Variants in TMCC1 observed in about 807,000 individuals in gnomAD.
TMCC1 encodes transmembrane and coiled-coil domain family 1.
Under a neutral mutation model 52.4 loss-of-function variants are expected in TMCC1, and 15 were observed. The ratio of observed to expected loss-of-function variants is 0.29; its 90% CI spans 0.19 to 0.44. TMCC1 has a LOEUF of 0.44. Among genes scored for constraint, TMCC1 ranks in the 20% least tolerant of loss-of-function variants. The probability of loss-of-function intolerance (pLI) is 1.00; values close to 1 mark genes in which losing one functional copy is unlikely to be tolerated. For synonymous variants in TMCC1, 279 were observed against 301.9 expected (o/e 0.92, Z 0.79); for missense variants, 503 against 806.0 (o/e 0.62, Z 4.55).
intron 4 of TMCC1, among the ~76,000 whole-genome samples, chr3:129,743,394 T>C (rs913982460): frequency 1.3e-5 from 2 of 152,164 alleles, no homozygotes; most frequent in African/African-American, 2.4e-5. Context: ...AAGGAAGGAA[T>C]TAAACATTCC....
intron 4 of TMCC1, among the ~76,000 whole-genome samples, chr3:129,671,518 G>A (rs1277676813): frequency 1.3e-5 from 2 of 152,274 alleles, no homozygotes; most frequent in Middle Eastern, 3.4e-3. Flanking sequence ...TTTGCTAGAG[G>A]ATTTTTCAGT....
At chr3:129,690,910 C>T (rs1022255497) in intron 4 of TMCC1, among the ~76,000 whole-genome samples, 2 of 152,240 alleles carry the variant, frequency 1.3e-5, no homozygotes, top group Non-Finnish European at 2.9e-5. Flanking sequence ...ACCAAGTAAA[C>T]TGAGTTACTA....
intron 4 of TMCC1, among the ~76,000 whole-genome samples, chr3:129,810,748 G>A (rs1190162037): frequency 6.6e-6 from 1 of 152,156 alleles, no homozygotes; most frequent in Non-Finnish European, 1.5e-5. Flanking sequence ...CAATTCATAA[G>A]CAATCACATT....
intron 4 of TMCC1, among the ~76,000 whole-genome samples, chr3:129,683,291 T>A (rs949933382): frequency 6.6e-6 from 1 of 152,250 alleles, no homozygotes; most frequent in Admixed American, 6.5e-5. Flanking sequence ...CTATGAGTAT[T>A]CCAAGACTAG....
At chr3:129,751,427 G>A (rs1410742641) in intron 4 of TMCC1, among the ~76,000 whole-genome samples, 6 of 151,458 alleles carry the variant, frequency 4.0e-5, no homozygotes, top group Admixed American at 6.6e-5. Context: ...CTACTTGGGA[G>A]GCTGAGATGG....
rs1317234576 is a variant in TMCC1, at chr3:129,831,573, G to A, written c.-131+1201C>T. ...ACTTGTAGCTATCATCTGCATAATAGCAGCACTAAGAAACTAGTTAAGGTT... is the reference window on the plus strand; with the variant it reads ...ACTTGTAGCTATCATCTGCATAATAACAGCACTAAGAAACTAGTTAAGGTT... On this transcript the variant is annotated intron_variant, in intron 3 of 6. Transcript: ENST00000393238. Among the ~76,000 whole-genome samples the A allele has an allele frequency of 1.1e-4, 17 of 152,248 alleles. No homozygotes were observed. The East Asian group carries it at 3.1e-3, about 28-fold the overall frequency.
chr3:129,863,058 A>C (rs2060466064), intron 2 of TMCC1, among the ~76,000 whole-genome samples: 1 of 152,242 alleles, frequency 6.6e-6, no homozygotes, highest in Non-Finnish European at 1.5e-5. Context: ...CCATATGAAT[A>C]ATAAAGCACT....
chr3:129,681,919 A>T (rs191703482), intron 4 of TMCC1, among the ~76,000 whole-genome samples: 2,432 of 151,410 alleles, frequency 0.016, 73 homozygotes, highest in African/African-American at 0.053. Flanking sequence ...AAAAAAAAAA[A>T]ATTTTTAATT....
intron 4 of TMCC1, among the ~76,000 whole-genome samples, chr3:129,759,428 C>T (rs2053301895): frequency 6.6e-6 from 1 of 151,754 alleles, no homozygotes; most frequent in African/African-American, 2.4e-5. Flanking sequence ...TCACAACGTC[C>T]AGCTAATTTT....
intron 5 of TMCC1, 51 bp downstream of exon 5, chr3:129,670,279 G>C: frequency 5.2e-6 from 8 of 1,546,514 alleles, no homozygotes; most frequent in Non-Finnish European, 7.0e-6. Context: ...ATATCTAAAG[G>C]GAGGGGAACC....
At chr3:129,880,067 G>T (rs1301108398) in intron 2 of TMCC1, among the ~76,000 whole-genome samples, 1 of 152,128 alleles carries the variant, frequency 6.6e-6, no homozygotes, top group Non-Finnish European at 1.5e-5. Flanking sequence ...CCCGTTACTT[G>T]TAAGTCTAAT....
At chr3:129,723,131 T>C (rs1240894415) in intron 4 of TMCC1, among the ~76,000 whole-genome samples, 2 of 152,308 alleles carry the variant, frequency 1.3e-5, no homozygotes, top group African/African-American at 2.4e-5. Flanking sequence ...AATCAAACTA[T>C]AGGCTAAGTT....
chr3:129,656,900 C>A (rs957785208), intron 5 of TMCC1, among the ~76,000 whole-genome samples: 1 of 152,108 alleles, frequency 6.6e-6, no homozygotes, highest in Non-Finnish European at 1.5e-5. Context: ...TGATTTTCCA[C>A]CAAAATTTAA....
Position 129,832,787 on chromosome 3 carries a change from C to G in TMCC1, c.-144G>C, listed in dbSNP as rs995125280. On this transcript the variant is annotated 5_prime_UTR_variant, in exon 3 of 7. Coordinates refer to ENST00000393238, the MANE Select transcript of TMCC1 (RefSeq NM_001017395.5). Reference sequence around the variant, plus strand: ...TTGGATACTTGCCTTCATCACTCTTCCTTAAGCACTTCTAAGGTGTACAAT... The same window carrying G: ...TTGGATACTTGCCTTCATCACTCTTGCTTAAGCACTTCTAAGGTGTACAAT... The G allele has an allele frequency of 2.0e-5, 3 of 152,130 alleles. No individual in the cohort carries two copies. Among genetic ancestry groups the G allele is most frequent in the African/African-American group, 7.2e-5 (3 of 41,422 alleles). The allele number at this position is 152,130 out of a possible 1,614,324, so 9.4% of individuals were successfully genotyped here.
At chr3:129,778,942 T>G (rs1011050214) in intron 4 of TMCC1, among the ~76,000 whole-genome samples, 4 of 152,180 alleles carry the variant, frequency 2.6e-5, no homozygotes, top group African/African-American at 9.6e-5. Flanking sequence ...AACAGACTAA[T>G]ACAGATGGAG....
chr3:129,869,092 G>C (rs1465875092), intron 2 of TMCC1: 2 of 152,010 alleles, frequency 1.3e-5, no homozygotes, highest in African/African-American at 4.8e-5. Flanking sequence ...TGGGCCTCTA[G>C]ATAGCTTCAG....
chr3:129,678,224 CT>C lies in TMCC1; in HGVS notation c.577-6961del, dbSNP rs928415830. Among the ~76,000 whole-genome samples, 21 of 148,288 alleles carry C rather than the reference CT, an allele frequency of 1.4e-4. No homozygotes were observed. The Middle Eastern group carries it at 0.011, about 76-fold the overall frequency. ...CATGAGCCACCACGCCTGGCCAATT[CT>C]TTTTTTTTTCTCATATACCTTATAT... is the stretch of plus-strand genomic sequence containing the variant. On this transcript the variant is annotated intron_variant, in intron 4 of 6. Coordinates refer to ENST00000393238, the MANE Select transcript of TMCC1 (RefSeq NM_001017395.5).
chr3:129,857,522 T>C (rs184426413), intron 2 of TMCC1: 92 of 152,354 alleles, frequency 6.0e-4, no homozygotes, highest in African/African-American at 2.2e-3. Context: ...CCACCTTGTA[T>C]TTGTATAGTA....
At chr3:129,801,041 A>C (rs1433246958) in intron 4 of TMCC1, among the ~76,000 whole-genome samples, 1 of 147,758 alleles carries the variant, frequency 6.8e-6, no homozygotes, top group East Asian at 2.0e-4. Flanking sequence ...CTCCTGCCTC[A>C]GCCTCCGGAG....
Sources: allele counts gnomAD v4.1 joint callset (sites outside exome capture counted in the v4.1 genomes callset), GRCh38; gene constraint gnomAD v4.1.1; transcripts MANE v1.5; gene names NCBI Gene and HGNC (gene_info 2026-07-23, HGNC 2026-07-21).